CLDN11: variants seen among roughly 807,000 people sequenced by gnomAD.
CLDN11 encodes the protein claudin 11, also known as claudin-11.
CLDN11 carries 1 observed loss-of-function variant against 18.0 expected under a neutral mutation model. The observed-to-expected ratio is 0.06, with a 90% confidence interval of 0.02 to 0.26. The LOEUF (loss-of-function observed/expected upper bound fraction) is 0.26, where lower values mean the gene tolerates loss of function less well. CLDN11 is among the 10% of genes least tolerant of loss of function. The pLI is 1.00. For synonymous variants in CLDN11, 116 were observed against 121.5 expected, an observed-to-expected ratio of 0.96 and a Z score of 0.30; for missense variants, 172 against 276.6, an observed-to-expected ratio of 0.62 and a Z score of 2.68.
intron 1 of CLDN11, among the ~76,000 whole-genome samples, chr3:170,422,422 T>A (rs1251345916): frequency 2.0e-5 from 3 of 152,160 alleles, no homozygotes; most frequent in Non-Finnish European, 4.4e-5. Flanking sequence ...TTTGTTTGTT[T>A]ATTTATTTAT....
Position 170,433,032 on chromosome 3 carries a change from T to C in CLDN11, c.*276T>C, listed in dbSNP as rs1262455568. The C allele has an allele frequency of 4.0e-6, 1 of 250,168 alleles. No individual in the cohort carries two copies. The highest frequency in any genetic ancestry group is 2.2e-5 in the African/African-American group (1 of 45,924). The allele number at this position is 250,168 out of a possible 1,614,324, so 15.5% of individuals were successfully genotyped here. On this transcript the variant is annotated 3_prime_UTR_variant, in exon 3 of 3. Transcript: ENST00000064724. ...TTTTCTTGGGCATTCTTTTGCTGTT[T>C]ATTAAAAATATATTATATATATTTT...
chr3:170,420,444 C>A (rs1045402902), intron 1 of CLDN11, among the ~76,000 whole-genome samples: 4 of 152,210 alleles, frequency 2.6e-5, no homozygotes, highest in African/African-American at 9.6e-5. Context: ...CCAAGCACGC[C>A]CTATTTCCGG....
chr3:170,419,426 CTTG>C lies in CLDN11; in HGVS notation c.226+139_226+141del, dbSNP rs1738667508. ...ACGTTTTTGACATCCCTAGTCCCAC[CTTG>C]TTGTAAAAGAATTAGGCAGCCCCGA... On this transcript the variant is annotated intron_variant, in intron 1 of 2. Coordinates refer to ENST00000064724, the MANE Select transcript of CLDN11 (RefSeq NM_005602.6). The surrounding 1 kb of genome is among the most constrained non-coding windows in gnomAD (Gnocchi z 8.6). 2 of 627,116 alleles carry C rather than the reference CTTG, an allele frequency of 3.2e-6. No individual in the cohort carries two copies. The highest frequency in any genetic ancestry group is 2.0e-5 in the South Asian group (1 of 48,994). 38.8% of individuals were successfully genotyped at this position (627,116 alleles called of 1,614,324 possible).
At chr3:170,427,015 G>A (rs968884575) in intron 2 of CLDN11, among the ~76,000 whole-genome samples, 44 of 152,012 alleles carry the variant, frequency 2.9e-4, no homozygotes, top group African/African-American at 9.7e-4. Flanking sequence ...CTCCTGAGCC[G>A]TGAGCCACCG....
In CLDN11 at chr3:170,432,532, G is replaced by T. The variant is rs143763226; in HGVS notation, c.400G>T (p.Ala134Ser). 6.2e-7 allele frequency: 1 copy of T among 1,612,596 alleles called. No homozygotes were observed. The highest frequency in any genetic ancestry group is 2.2e-5 in the East Asian group (1 of 44,870). ...TCTCCATGTCTCTCCAGCTCTCTGC[G>T]CCCTTGTTGCCACCATCTGGTTCCC... Reference protein sequence around the residue: ...GVLLILLALCALVATIWFPVC... With the variant: ...GVLLILLALCSLVATIWFPVC... The change falls in exon 3 of 3, where the codon GCC (alanine) becomes TCC (serine). Residue 134 changes from alanine to serine, a missense_variant. Around this residue, in one of 3 missense-constraint regions of CLDN11, gnomAD observed 161 missense variants for 240.3 expected, o/e 0.67. Coordinates refer to ENST00000064724, the MANE Select transcript of CLDN11 (RefSeq NM_005602.6).
intron 2 of CLDN11, among the ~76,000 whole-genome samples, chr3:170,426,934 A>G (rs551585038): frequency 5.7e-4 from 87 of 152,282 alleles, no homozygotes; most frequent in African/African-American, 2.0e-3. Context: ...GGCATGTGCC[A>G]CCATGCCCGG....
intron 1 of CLDN11, among the ~76,000 whole-genome samples, chr3:170,420,140 C>T (rs774714290): frequency 2.3e-4 from 35 of 152,254 alleles, no homozygotes; most frequent in Non-Finnish European, 1.0e-4. Flanking sequence ...GACAGCCTAG[C>T]GCCGGCCAGG....
At chr3:170,420,236 G>A (rs571872872) in intron 1 of CLDN11, among the ~76,000 whole-genome samples, 2 of 152,372 alleles carry the variant, frequency 1.3e-5, no homozygotes, top group African/African-American at 4.8e-5. Flanking sequence ...GCAATGGCGA[G>A]GTCGCGGGCA....
intron 2 of CLDN11, among the ~76,000 whole-genome samples, chr3:170,426,657 A>G (rs945144354): frequency 6.6e-6 from 1 of 152,256 alleles, no homozygotes; most frequent in African/African-American, 2.4e-5. Flanking sequence ...ATTATTTAGC[A>G]TAGGATCTGG....
chr3:170,421,608 T>A (rs934780048), intron 1 of CLDN11, among the ~76,000 whole-genome samples: 3 of 152,216 alleles, frequency 2.0e-5, no homozygotes, highest in African/African-American at 7.2e-5. Context: ...TCGGCTAGAT[T>A]CCTGGCTTTG....
rs201714513 is a variant in CLDN11 at position 170,431,064 on chromosome 3, TACAA to T, written c.392-1459_392-1456del. On this transcript the variant is annotated intron_variant, in intron 2 of 2. Transcript: ENST00000064724. ...ATCTATTGTCAATAAAAATCTATGT[TACAA>T]GCAACACAAATGCGATGAGATTGTT... Among the ~76,000 whole-genome samples, 902 of 152,318 alleles carry T rather than the reference TACAA, an allele frequency of 5.9e-3. 8 individuals are homozygous for T. Among genetic ancestry groups the T allele is most frequent in the African/African-American group, 0.021 (852 of 41,556 alleles).
At chr3:170,423,562 G>A (rs930302199) in intron 2 of CLDN11, 22 of 507,434 alleles carry the variant, frequency 4.3e-5, no homozygotes, top group Non-Finnish European at 6.7e-5. Flanking sequence ...AAGAGAAAGA[G>A]GATTTTGAAG....
In CLDN11 at chr3:170,419,348, G is replaced by A; in HGVS notation, c.226+56G>A. The A allele has an allele frequency of 1.5e-6, 2 of 1,329,804 alleles. No homozygotes were observed. The highest frequency in any genetic ancestry group is 2.1e-6 in the Non-Finnish European group (2 of 960,840). 82.4% of individuals were successfully genotyped at this position (1,329,804 alleles called of 1,614,324 possible). ...AATCCTTATCCTCTGGGTAGAGAGCGGGATATTAGACGGCGTCACAGAGAC... is the reference window on the plus strand; with the variant it reads ...AATCCTTATCCTCTGGGTAGAGAGCAGGATATTAGACGGCGTCACAGAGAC... On this transcript the variant is annotated intron_variant, in intron 1 of 2. Coordinates refer to ENST00000064724, the MANE Select transcript of CLDN11 (RefSeq NM_005602.6). The surrounding 1 kb of genome is among the most constrained non-coding windows in gnomAD (Gnocchi z 8.6).
chr3:170,420,581 T>C (rs1738700722), intron 1 of CLDN11, among the ~76,000 whole-genome samples: 1 of 152,204 alleles, frequency 6.6e-6, no homozygotes, highest in African/African-American at 2.4e-5. Context: ...CCCACTACGT[T>C]TTAAATTCCT....
intron 1 of CLDN11, among the ~76,000 whole-genome samples, chr3:170,421,547 G>A (rs1165375124): frequency 2.6e-5 from 4 of 152,328 alleles, no homozygotes; most frequent in South Asian, 2.1e-4. Context: ...AAGAGACAGC[G>A]TTGAAGTTAG....
At chr3:170,420,425 A>G (rs540298435) in intron 1 of CLDN11, among the ~76,000 whole-genome samples, 2 of 152,212 alleles carry the variant, frequency 1.3e-5, no homozygotes, top group African/African-American at 4.8e-5. Context: ...CTCGCCCCTT[A>G]AGCCTCCTCC....
intron 2 of CLDN11, chr3:170,423,696 A>G (rs570329852): frequency 1.7e-4 from 33 of 196,128 alleles, no homozygotes; most frequent in African/African-American, 7.5e-4. Flanking sequence ...TTTTCTGGGC[A>G]TCAGGCCAGG....
At position 170,432,883 on chromosome 3, in the gene CLDN11, C is replaced by A; in HGVS notation, c.*127C>A. On this transcript the variant is annotated 3_prime_UTR_variant, in exon 3 of 3. Coordinates refer to ENST00000064724, the MANE Select transcript of CLDN11 (RefSeq NM_005602.6). ...AAAGCCAAAGGTCTAGAAAAGCATC[C>A]TGTCTGGCATTTTGTAGTCTTAACT... The A allele has an allele frequency of 1.2e-6, 1 of 845,312 alleles. No individual in the cohort carries two copies. Among genetic ancestry groups the A allele is most frequent in the Non-Finnish European group, 1.9e-6 (1 of 533,808 alleles). 52.4% of individuals were successfully genotyped at this position (845,312 alleles called of 1,614,324 possible). A position where few individuals can be genotyped will look rare whatever the true frequency, so the allele number is the denominator to read the frequency against.
Position 170,419,325 on chromosome 3 carries a change from T to A in CLDN11, c.226+33T>A. On this transcript the variant is annotated intron_variant, in intron 1 of 2. Coordinates refer to ENST00000064724, the MANE Select transcript of CLDN11 (RefSeq NM_005602.6). The surrounding 1 kb of genome is among the most constrained non-coding windows in gnomAD (Gnocchi z 8.6). ...CCCGAGCTTGGCGGCGGCTCCCAAA[T>A]CCTTATCCTCTGGGTAGAGAGCGGG... 1 of 1,470,488 alleles carries A rather than the reference T, an allele frequency of 6.8e-7. No individual in the cohort carries two copies. The highest frequency in any genetic ancestry group is 1.2e-5 in the South Asian group (1 of 81,614). 91.1% of individuals were successfully genotyped at this position (1,470,488 alleles called of 1,614,324 possible).
Sources: gnomAD v4.1 joint callset for allele counts (sites outside exome capture counted in the v4.1 genomes callset) on GRCh38, gnomAD v4.1.1 for gene constraint, gnomAD v4.1.1 regional missense constraint, Gnocchi (gnomAD v3.1) non-coding constraint, MANE v1.5 for transcripts, NCBI Gene and HGNC (gene_info 2026-07-23, HGNC 2026-07-21) for gene names.